CIMAP1D: variants seen among roughly 807,000 people sequenced by gnomAD.
CIMAP1D encodes CIMAP1 family member D.
chr19:486,950 C>T, the CIMAP1D span, among the ~76,000 whole-genome samples: 1 of 152,012 alleles, frequency 6.6e-6, no homozygotes, highest in Non-Finnish European at 1.5e-5. Context: ...TGGGGTTTCA[C>T]CATGTTGGCC....
At chr19:470,068 G>A in the CIMAP1D span, among the ~76,000 whole-genome samples, 2 of 152,124 alleles carry the variant, frequency 1.3e-5, no homozygotes, top group East Asian at 1.9e-4. Flanking sequence ...CCACTTCCAA[G>A]AAGCCTACCC....
chr19:472,328 A>G, the CIMAP1D span: 1 of 939,946 alleles, frequency 1.1e-6, no homozygotes, highest in Non-Finnish European at 1.5e-6. Flanking sequence ...AAGGAGACCC[A>G]TCAGTGCTCC....
At chr19:475,376 G>T in the CIMAP1D span, among the ~76,000 whole-genome samples, 1 of 152,220 alleles carries the variant, frequency 6.6e-6, no homozygotes, top group Non-Finnish European at 1.5e-5. Flanking sequence ...ATGTTCTCAG[G>T]ATGGGAGAGA....
At chr19:475,986 A>ATTTTTTTTT in the CIMAP1D span, among the ~76,000 whole-genome samples, 6 of 39,266 alleles carry the variant, frequency 1.5e-4, 1 homozygote, top group Non-Finnish European at 2.3e-4. Flanking sequence ...CGCCTGGCTA[A>ATTTTTTTTT]TTTTTTTTTT....
chr19:474,589 G>T, the CIMAP1D span: 1 of 1,478,808 alleles, frequency 6.8e-7, no homozygotes, highest in Non-Finnish European at 9.1e-7. Context: ...AGCAGGAAAA[G>T]GTCCCACCCA....
chr19:472,474 G>A, the CIMAP1D span: 33 of 1,545,968 alleles, frequency 2.1e-5, no homozygotes, highest in Non-Finnish European at 2.6e-5. Flanking sequence ...CACGGTGGAC[G>A]GCAGGACATA....
the CIMAP1D span, among the ~76,000 whole-genome samples, chr19:490,598 CTTCACA>C: frequency 6.6e-6 from 1 of 152,242 alleles, no homozygotes; most frequent in Non-Finnish European, 1.5e-5. Context: ...GGAAAAGTGG[CTTCACA>C]AACCCTAGCT....
At chr19:490,928 G>A in the CIMAP1D span, among the ~76,000 whole-genome samples, 1 of 152,212 alleles carries the variant, frequency 6.6e-6, no homozygotes, top group African/African-American at 2.4e-5. Context: ...GTGAAACCCT[G>A]TCTCTACTAA....
At chr19:472,449 G>A in the CIMAP1D span, 191 of 1,547,864 alleles carry the variant, frequency 1.2e-4, 4 homozygotes, top group South Asian at 1.5e-3. Context: ...TGGTGCAGTC[G>A]TGGTTGATGA....
the CIMAP1D span, among the ~76,000 whole-genome samples, chr19:479,411 T>TGGGG: frequency 1.2e-3 from 39 of 33,192 alleles, no homozygotes; most frequent in Admixed American, 2.4e-3. Context: ...TTTTTTTTTT[T>TGGGG]GGGGGGGGGG....
chr19:463,871 C>A, the CIMAP1D span: 5 of 1,610,078 alleles, frequency 3.1e-6, no homozygotes, highest in Non-Finnish European at 4.2e-6. Flanking sequence ...GCAGCCTGTG[C>A]CCCGCAGGCC....
chr19:469,456 G>A, the CIMAP1D span, among the ~76,000 whole-genome samples: 1 of 152,154 alleles, frequency 6.6e-6, no homozygotes, highest in African/African-American at 2.4e-5. Flanking sequence ...TTGGGAGGCT[G>A]AGGCGGGTGG....
the CIMAP1D span, among the ~76,000 whole-genome samples, chr19:481,732 G>A: frequency 0.26 from 38,930 of 150,996 alleles, 5,039 homozygotes; most frequent in East Asian, 0.28. Flanking sequence ...ATCACCCACA[G>A]CAGCACTGCC....
At chr19:484,551 G>T in the CIMAP1D span, among the ~76,000 whole-genome samples, 1 of 152,236 alleles carries the variant, frequency 6.6e-6, no homozygotes, top group African/African-American at 2.4e-5. Flanking sequence ...ACATACGGTG[G>T]CCAGGAAGGC....
chr19:474,287 C>T, the CIMAP1D span, among the ~76,000 whole-genome samples: 21 of 152,300 alleles, frequency 1.4e-4, no homozygotes, highest in Admixed American at 4.6e-4. Context: ...TTGTCTAGGG[C>T]GCCCGTCCCT....
chr19:464,145 G>T, the CIMAP1D span: 2 of 683,048 alleles, frequency 2.9e-6, no homozygotes, highest in Middle Eastern at 3.7e-4. Flanking sequence ...GCGGGCGGGG[G>T]GGGTGCGGCC....
chr19:478,185 C>T, the CIMAP1D span, among the ~76,000 whole-genome samples: 1 of 152,216 alleles, frequency 6.6e-6, no homozygotes, highest in African/African-American at 2.4e-5. Context: ...CAAAGCTGCT[C>T]CTTCACCAAA....
At chr19:480,867 A>T in the CIMAP1D span, among the ~76,000 whole-genome samples, 134 of 138,140 alleles carry the variant, frequency 9.7e-4, no homozygotes, top group African/African-American at 3.9e-3. Flanking sequence ...GAGAACGATG[A>T]TGGAAAACGA....
the CIMAP1D span, among the ~76,000 whole-genome samples, chr19:479,418 G>C: frequency 2.7e-5 from 4 of 147,420 alleles, no homozygotes; most frequent in East Asian, 4.0e-4. Flanking sequence ...TTTTGGGGGG[G>C]GGGGGGATGG....
Sources: allele counts gnomAD v4.1 joint callset (sites outside exome capture counted in the v4.1 genomes callset), GRCh38; gene constraint gnomAD v4.1.1; transcripts MANE v1.5; gene names NCBI Gene and HGNC (gene_info 2026-07-23, HGNC 2026-07-21).